Variants in MAML3 observed in about 807,000 individuals in gnomAD.
MAML3 encodes the protein mastermind like transcriptional coactivator 3.
Under a neutral mutation model 101.9 loss-of-function variants are expected in MAML3, and 27 were observed. That is an observed-to-expected ratio of 0.27 (90% CI 0.20 to 0.37). MAML3 has a LOEUF of 0.37. MAML3 is among the 10% of genes least tolerant of loss of function. The pLI is 1.00. For synonymous variants in MAML3, 501 were observed against 555.9 expected, an observed-to-expected ratio of 0.90 and a Z score of 1.39; for missense variants, 1,316 against 1,444.9, an observed-to-expected ratio of 0.91 and a Z score of 1.45.
chr4:139,973,709 C>T (rs989211006), intron 1 of MAML3, among the ~76,000 whole-genome samples: 1 of 152,190 alleles, frequency 6.6e-6, no homozygotes, highest in Non-Finnish European at 1.5e-5. Context: ...ATCAAAACCA[C>T]TTATTCTCCA....
At chr4:139,766,646 C>T (rs941674580) in intron 2 of MAML3, among the ~76,000 whole-genome samples, 4 of 152,334 alleles carry the variant, frequency 2.6e-5, no homozygotes, top group Admixed American at 6.5e-5. Context: ...GAATGGACAA[C>T]GGCTCAGATC....
At chr4:140,032,274 C>G (rs1726920016) in intron 1 of MAML3, among the ~76,000 whole-genome samples, 1 of 152,182 alleles carries the variant, frequency 6.6e-6, no homozygotes, top group African/African-American at 2.4e-5. Flanking sequence ...GTTAAGTGCC[C>G]TTTTATCACA....
At chr4:139,812,186 A>C (rs1410893302) in intron 2 of MAML3, among the ~76,000 whole-genome samples, 1 of 152,180 alleles carries the variant, frequency 6.6e-6, no homozygotes, top group Non-Finnish European at 1.5e-5. Context: ...GCCCAGGTCA[A>C]AGCTGTAGTG....
intron 1 of MAML3, among the ~76,000 whole-genome samples, chr4:139,987,363 T>C (rs1411735257): frequency 6.6e-6 from 1 of 152,232 alleles, no homozygotes; most frequent in East Asian, 1.9e-4. Flanking sequence ...CGATTGTTTC[T>C]GAATACTGCT....
intron 2 of MAML3, among the ~76,000 whole-genome samples, chr4:139,875,511 C>A (rs1732097529): frequency 6.6e-6 from 1 of 152,260 alleles, no homozygotes; most frequent in African/African-American, 2.4e-5. Flanking sequence ...TCTTTCTCAA[C>A]ATAATTAATG....
At chr4:139,988,326 CAA>C (rs764018702) in intron 1 of MAML3, among the ~76,000 whole-genome samples, 827 of 81,864 alleles carry the variant, frequency 0.01, 7 homozygotes, top group African/African-American at 0.044. Flanking sequence ...GACTCCGTCT[CAA>C]AAAAAAAAAA....
intron 3 of MAML3, chr4:139,730,186 TCAAATTGATGGCTGG>T: frequency 1.7e-6 from 1 of 581,844 alleles, no homozygotes; most frequent in Non-Finnish European, 3.1e-6. Flanking sequence ...ACACAGGCCT[TCAAATTGATGGCTGG>T]AGCCTGTCTT....
At chr4:139,759,230 C>T (rs12646008) in intron 2 of MAML3, among the ~76,000 whole-genome samples, 9,271 of 152,234 alleles carry the variant, frequency 0.061, 347 homozygotes, top group Non-Finnish European at 0.074. Context: ...AGAGAAGAGC[C>T]GCAGCAGAAG....
chr4:140,097,756 C>T (rs1278957296), intron 1 of MAML3, among the ~76,000 whole-genome samples: 2 of 152,220 alleles, frequency 1.3e-5, no homozygotes, highest in Non-Finnish European at 2.9e-5. Context: ...TTCACAACCT[C>T]ATCTCCAAGC....
chr4:139,839,899 A>G (rs1411342232), intron 2 of MAML3, among the ~76,000 whole-genome samples: 1 of 152,154 alleles, frequency 6.6e-6, no homozygotes, highest in African/African-American at 2.4e-5. Flanking sequence ...GGTGGCCAGC[A>G]GTGGGGATTA....
At chr4:140,047,893 G>A (rs1727208039) in intron 1 of MAML3, among the ~76,000 whole-genome samples, 1 of 151,942 alleles carries the variant, frequency 6.6e-6, no homozygotes, top group Non-Finnish European at 1.5e-5. Context: ...GGCGGCAATG[G>A]CCATCTTTAA....
At chr4:140,127,543 A>T (rs1411885537) in intron 1 of MAML3, among the ~76,000 whole-genome samples, 2 of 152,198 alleles carry the variant, frequency 1.3e-5, no homozygotes, top group Non-Finnish European at 2.9e-5. Context: ...CTTCCATCTA[A>T]CAAGCACCAC....
rs970948072 is a variant in MAML3 at position 140,147,326 on chromosome 4, T to C, written c.468+5534A>G. ...TGAATGAAATTAGAAACTCAGTCTTTATTATTTGTGCTAAGTAAGAATAAA... is the reference window on the plus strand; with the variant it reads ...TGAATGAAATTAGAAACTCAGTCTTCATTATTTGTGCTAAGTAAGAATAAA... On this transcript the variant is annotated intron_variant, in intron 1 of 4. Coordinates refer to ENST00000509479, the MANE Select transcript of MAML3 (RefSeq NM_018717.5). Among the ~76,000 whole-genome samples, 4 of 152,314 alleles carry C rather than the reference T, an allele frequency of 2.6e-5. No individual in the cohort carries two copies. The South Asian group carries it at 8.3e-4, about 32-fold the overall frequency.
rs114055354 is a variant in MAML3 at position 139,778,392 on chromosome 4, G to A, written c.2080-47725C>T. Among the ~76,000 whole-genome samples the A allele has an allele frequency of 4.8e-3, 736 of 152,210 alleles. 3 individuals are homozygous for A. The highest frequency in any genetic ancestry group is 0.016 in the African/African-American group (683 of 41,512). ...CCCAGTGGGGCATCATCCTTATCAG[G>A]GTCAGAGAATTTTAGGGGAGTTTCT... On this transcript the variant is annotated intron_variant, in intron 2 of 4. Coordinates refer to ENST00000509479, the MANE Select transcript of MAML3 (RefSeq NM_018717.5).
intron 1 of MAML3, among the ~76,000 whole-genome samples, chr4:139,894,572 A>G (rs896833209): frequency 9.3e-5 from 14 of 151,062 alleles, no homozygotes; most frequent in African/African-American, 3.4e-4. Flanking sequence ...AGAAAAGTAA[A>G]CAGAGTAGAA....
intron 1 of MAML3, among the ~76,000 whole-genome samples, chr4:140,060,866 G>A (rs932008020): frequency 3.9e-5 from 6 of 152,130 alleles, no homozygotes; most frequent in Non-Finnish European, 5.9e-5. Context: ...TATAATAGTG[G>A]AAATCTACAT....
chr4:139,748,453 G>C (rs188559170), intron 2 of MAML3, among the ~76,000 whole-genome samples: 1 of 152,276 alleles, frequency 6.6e-6, no homozygotes, highest in Admixed American at 6.5e-5. Context: ...AAGGATCTCT[G>C]GTCCTGAACA....
At chr4:139,910,301 A>G (rs1353308728) in intron 1 of MAML3, among the ~76,000 whole-genome samples, 1 of 151,984 alleles carries the variant, frequency 6.6e-6, no homozygotes, top group Non-Finnish European at 1.5e-5. Flanking sequence ...GGTTTAATAA[A>G]CCCTCCAGAT....
chr4:140,083,170 G>A (rs895370712), intron 1 of MAML3, among the ~76,000 whole-genome samples: 1 of 152,090 alleles, frequency 6.6e-6, no homozygotes, highest in African/African-American at 2.4e-5. Flanking sequence ...GTAAAGAACC[G>A]CAAATAAAGC....
Sources: gnomAD v4.1 joint callset for allele counts (sites outside exome capture counted in the v4.1 genomes callset) on GRCh38, gnomAD v4.1.1 for gene constraint, MANE v1.5 for transcripts, NCBI Gene and HGNC (gene_info 2026-07-23, HGNC 2026-07-21) for gene names.